Variants in COL19A1 observed in about 807,000 individuals in gnomAD.
The protein encoded by COL19A1 is collagen alpha-1(XIX) chain.
Under a neutral mutation model 190.2 loss-of-function variants are expected in COL19A1, and 159 were observed. That is an observed-to-expected ratio of 0.84 (90% CI 0.73 to 0.95). The LOEUF is 0.95. Ranked by LOEUF, COL19A1 falls within the 40% of genes least tolerant of loss-of-function variation. COL19A1 has a pLI of 0.00. For missense variants in COL19A1, 1,418 were observed against 1,431.9 expected, an observed-to-expected ratio of 0.99 and a Z score of 0.16; for synonymous variants, 509 against 458.9, an observed-to-expected ratio of 1.11 and a Z score of -1.39.
chr6:70,151,177 GAGA>G (rs1156463216), intron 30 of COL19A1, among the ~76,000 whole-genome samples: 1 of 152,180 alleles, frequency 6.6e-6, no homozygotes, highest in Admixed American at 6.6e-5. Flanking sequence ...ACATTCAAGA[GAGA>G]AGAATAGTGA....
intron 46 of COL19A1, among the ~76,000 whole-genome samples, chr6:70,185,952 GTA>G: frequency 6.6e-6 from 1 of 152,124 alleles, no homozygotes; most frequent in South Asian, 2.1e-4. Context: ...TGTGATATTT[GTA>G]CGTATTTCCA....
Position 69,930,500 on chromosome 6 carries a change from C to T in COL19A1, c.666+800C>T, listed in dbSNP as rs1338994405. Among the ~76,000 whole-genome samples, 4 of 152,164 alleles carry T rather than the reference C, an allele frequency of 2.6e-5. No individual in the cohort carries two copies. The South Asian group carries it at 8.3e-4, about 32-fold the overall frequency. ...AGATTGAGTGTTCTATGTCCTGTGT[C>T]TCATTAACTTCTCACCCAAGGATAG... is the stretch of plus-strand genomic sequence containing the variant. On this transcript the variant is annotated intron_variant, in intron 6 of 50. Transcript: ENST00000620364.
At chr6:70,072,237 A>C (rs1010906715) in intron 15 of COL19A1, among the ~76,000 whole-genome samples, 1 of 152,006 alleles carries the variant, frequency 6.6e-6, no homozygotes, top group Non-Finnish European at 1.5e-5. Context: ...TAACAAACAG[A>C]CTCTCCCCAA....
Position 69,965,579 on chromosome 6 carries a change from A to G in COL19A1, c.1026+2709A>G, listed in dbSNP as rs78990088. On this transcript the variant is annotated intron_variant, in intron 11 of 50. Coordinates refer to ENST00000620364, the MANE Select transcript of COL19A1 (RefSeq NM_001858.6). ...TCATTTAAAGTATATTTCTGAATCT[A>G]TAGAAACTTGTAACAACAGGGCAGA... 1.1e-4 allele frequency among the ~76,000 whole-genome samples: 17 copies of G among 152,340 alleles called. No homozygotes were observed. In the East Asian group the frequency reaches 2.9e-3, roughly 26 times the overall value.
chr6:70,059,924 G>A, intron 14 of COL19A1: 1 of 327,442 alleles, frequency 3.1e-6, no homozygotes. Flanking sequence ...TTAAATTGAA[G>A]AAGAAAAAAA....
At chr6:70,201,456 T>A (rs1217124622) in intron 49 of COL19A1, among the ~76,000 whole-genome samples, 3 of 152,210 alleles carry the variant, frequency 2.0e-5, no homozygotes, top group African/African-American at 4.8e-5. Context: ...CTCTTGTGCC[T>A]CAAAGATATT....
At chr6:69,959,774 T>C (rs992845812) in intron 9 of COL19A1, among the ~76,000 whole-genome samples, 17 of 152,176 alleles carry the variant, frequency 1.1e-4, no homozygotes, top group African/African-American at 3.6e-4. Context: ...CTTTGACATG[T>C]TACCAAACCT....
At chr6:70,161,511 G>A (rs1188620223) in intron 34 of COL19A1, among the ~76,000 whole-genome samples, 1 of 152,022 alleles carries the variant, frequency 6.6e-6, no homozygotes, top group African/African-American at 2.4e-5. Flanking sequence ...TATAAGTGAG[G>A]GCTAAGCTAT....
intron 46 of COL19A1, among the ~76,000 whole-genome samples, chr6:70,186,802 A>G (rs911508358): frequency 1.3e-5 from 2 of 152,214 alleles, no homozygotes; most frequent in African/African-American, 2.4e-5. Context: ...AGCAAACTTC[A>G]TATCACATTT....
At chr6:70,065,776 AC>A (rs1333398856) in intron 14 of COL19A1, among the ~76,000 whole-genome samples, 1 of 152,082 alleles carries the variant, frequency 6.6e-6, no homozygotes, top group Admixed American at 6.6e-5. Flanking sequence ...AAAACAAACA[AC>A]CCCATCAAAA....
At chr6:70,148,437 G>T (rs542824021) in intron 27 of COL19A1, among the ~76,000 whole-genome samples, 1 of 152,318 alleles carries the variant, frequency 6.6e-6, no homozygotes, top group East Asian at 1.9e-4. Context: ...GGAGCTCTGT[G>T]CCAGGAACTG....
chr6:70,060,916 G>A (rs13194907), intron 14 of COL19A1, among the ~76,000 whole-genome samples: 18,339 of 151,926 alleles, frequency 0.12, 1,500 homozygotes, highest in African/African-American at 0.22. Context: ...TAGAGCTCAC[G>A]GTCAACTAAA....
At chr6:69,978,486 C>T (rs1234650839) in intron 11 of COL19A1, among the ~76,000 whole-genome samples, 4 of 151,646 alleles carry the variant, frequency 2.6e-5, no homozygotes, top group Non-Finnish European at 4.4e-5. Context: ...GAAAACAGTC[C>T]TCAATAACCC....
intron 21 of COL19A1, 35 bp downstream of exon 21, chr6:70,141,963 C>T: frequency 6.2e-7 from 1 of 1,609,988 alleles, no homozygotes; most frequent in Non-Finnish European, 8.5e-7. Context: ...TCCTCTCCAA[C>T]CTTAATGAGA....
chr6:69,938,173 AT>A, intron 9 of COL19A1, 73 bp downstream of exon 9: 1 of 1,360,896 alleles, frequency 7.3e-7, no homozygotes, highest in Admixed American at 2.0e-5. Flanking sequence ...TGTTCATCTC[AT>A]TTTTCTTTAT....
At chr6:69,991,874 T>C (rs1486955849) in intron 11 of COL19A1, among the ~76,000 whole-genome samples, 17 of 152,066 alleles carry the variant, frequency 1.1e-4, no homozygotes, top group Admixed American at 1.1e-3. Flanking sequence ...TTTTTGTTTG[T>C]TTTTTGCTGT....
chr6:70,080,040 T>C (rs1006583049), intron 15 of COL19A1, among the ~76,000 whole-genome samples: 1 of 152,128 alleles, frequency 6.6e-6, no homozygotes, highest in African/African-American at 2.4e-5. Flanking sequence ...CATCTTTACC[T>C]TGAGGACACA....
intron 4 of COL19A1, among the ~76,000 whole-genome samples, chr6:69,905,929 C>T (rs1345924047): frequency 6.6e-6 from 1 of 152,106 alleles, no homozygotes; most frequent in Non-Finnish European, 1.5e-5. Flanking sequence ...ATTTTCTTGG[C>T]TTCTTATATC....
At chr6:70,028,855 A>G (rs1778867872) in intron 12 of COL19A1, among the ~76,000 whole-genome samples, 1 of 152,210 alleles carries the variant, frequency 6.6e-6, no homozygotes, top group Non-Finnish European at 1.5e-5. Flanking sequence ...GGCAAGAACT[A>G]TATAAACATT....
Sources: allele counts gnomAD v4.1 joint callset (sites outside exome capture counted in the v4.1 genomes callset), GRCh38; gene constraint gnomAD v4.1.1; transcripts MANE v1.5; gene names NCBI Gene and HGNC (gene_info 2026-07-23, HGNC 2026-07-21).